Variants in NYAP2 observed in about 807,000 individuals in gnomAD.
NYAP2 encodes the protein neuronal tyrosine-phosphorylated phosphoinositide-3-kinase adaptor 2.
A neutral mutation model predicts 50.4 loss-of-function variants in NYAP2; 23 were observed. The observed-to-expected ratio is 0.46, with a 90% confidence interval of 0.33 to 0.65. The LOEUF is 0.65. Ranked by LOEUF, NYAP2 falls within the 30% of genes least tolerant of loss-of-function variation. The pLI is 0.02. For missense variants in NYAP2, 885 were observed against 861.0 expected (o/e 1.03, Z -0.35); for synonymous variants, 394 against 365.2 (o/e 1.08, Z -0.90).
chr2:225,609,002 C>T (rs1317219575), intron 5 of NYAP2, among the ~76,000 whole-genome samples: 1 of 152,068 alleles, frequency 6.6e-6, no homozygotes, highest in African/African-American at 2.4e-5. Flanking sequence ...TGAAACCTCA[C>T]CTTCTAAACT....
intron 3 of NYAP2, among the ~76,000 whole-genome samples, chr2:225,478,338 G>A (rs1690151840): frequency 6.6e-6 from 1 of 151,924 alleles, no homozygotes; most frequent in African/African-American, 2.4e-5. Context: ...GGAAGAAGAA[G>A]CCAGTCTCTC....
chr2:225,452,584 C>T (rs1459807477), intron 3 of NYAP2, among the ~76,000 whole-genome samples: 1 of 152,158 alleles, frequency 6.6e-6, no homozygotes, highest in Non-Finnish European at 1.5e-5. Flanking sequence ...ATTTCTCACT[C>T]CTTTTTCCTT....
chr2:225,555,929 C>G (rs1260238854), intron 4 of NYAP2, among the ~76,000 whole-genome samples: 5 of 152,184 alleles, frequency 3.3e-5, no homozygotes, highest in Non-Finnish European at 5.9e-5. Context: ...CCCTACAGAT[C>G]CTGACACTAT....
intron 3 of NYAP2, among the ~76,000 whole-genome samples, chr2:225,433,536 A>G (rs979934322): frequency 1.3e-5 from 2 of 152,200 alleles, no homozygotes; most frequent in Non-Finnish European, 2.9e-5. Context: ...AAATATATAT[A>G]GCAAAATATG....
intron 5 of NYAP2, among the ~76,000 whole-genome samples, chr2:225,604,829 A>G (rs1692757999): frequency 6.6e-6 from 1 of 152,132 alleles, no homozygotes; most frequent in Non-Finnish European, 1.5e-5. Flanking sequence ...AATCAGCAAA[A>G]TGTACAGTAC....
intron 3 of NYAP2, among the ~76,000 whole-genome samples, chr2:225,430,967 A>G (rs961040749): frequency 3.3e-5 from 5 of 152,242 alleles, no homozygotes; most frequent in African/African-American, 1.2e-4. Context: ...GGATTGGGCA[A>G]TGAAAATGTA....
chr2:225,543,970 A>G (rs1691522255), intron 4 of NYAP2, among the ~76,000 whole-genome samples: 1 of 152,012 alleles, frequency 6.6e-6, no homozygotes, highest in Non-Finnish European at 1.5e-5. Flanking sequence ...TACAATTGTT[A>G]TATCCTCTTG....
At chr2:225,641,179 C>T (rs1693523238) in intron 6 of NYAP2, among the ~76,000 whole-genome samples, 1 of 152,058 alleles carries the variant, frequency 6.6e-6, no homozygotes, top group Non-Finnish European at 1.5e-5. Context: ...TGCTCCTAGA[C>T]CACAGCTGTT....
At chr2:225,607,803 AG>A (rs1438555550) in intron 5 of NYAP2, among the ~76,000 whole-genome samples, 1 of 152,142 alleles carries the variant, frequency 6.6e-6, no homozygotes, top group Non-Finnish European at 1.5e-5. Context: ...TTGCCATTAC[AG>A]GGGCCTTAGA....
chr2:225,420,644 C>G (rs567602965), intron 3 of NYAP2, among the ~76,000 whole-genome samples: 3 of 150,236 alleles, frequency 2.0e-5, no homozygotes, highest in African/African-American at 7.4e-5. Flanking sequence ...CAGGGTCTCA[C>G]TCTGCCACCC....
At chr2:225,471,534 A>T (rs1018755297) in intron 3 of NYAP2, among the ~76,000 whole-genome samples, 1 of 152,200 alleles carries the variant, frequency 6.6e-6, no homozygotes, top group Admixed American at 6.5e-5. Flanking sequence ...TGGGTCACTA[A>T]ATTAGACATA....
intron 3 of NYAP2, among the ~76,000 whole-genome samples, chr2:225,462,919 T>A (rs921611535): frequency 1.3e-5 from 2 of 152,240 alleles, no homozygotes; most frequent in African/African-American, 4.8e-5. Context: ...TAAATGGTTG[T>A]GATTATCTGG....
chr2:225,592,186 T>A (rs1692519248), intron 5 of NYAP2, among the ~76,000 whole-genome samples: 1 of 152,218 alleles, frequency 6.6e-6, no homozygotes. Flanking sequence ...TGTGCAGGTT[T>A]CTTTGGCCTG....
At chr2:225,638,156 T>TG (rs1693456201) in intron 6 of NYAP2, among the ~76,000 whole-genome samples, 40 of 135,306 alleles carry the variant, frequency 3.0e-4, no homozygotes, top group Non-Finnish European at 4.6e-4. Flanking sequence ...ACTCGTGTGT[T>TG]TGTGTGTGTG....
intron 5 of NYAP2, among the ~76,000 whole-genome samples, chr2:225,614,716 G>T (rs1022160890): frequency 2.0e-5 from 3 of 152,180 alleles, no homozygotes; most frequent in Non-Finnish European, 4.4e-5. Context: ...TTACAGAAGA[G>T]AAAATGAGAA....
In NYAP2 at chr2:225,581,922, A is replaced by T. The variant is rs764166277; in HGVS notation, c.524-19A>T. 6.3e-7 allele frequency: 1 copy of T among 1,580,964 alleles called. No homozygotes were observed. Among genetic ancestry groups the T allele is most frequent in the Non-Finnish European group, 8.6e-7 (1 of 1,160,368 alleles). On this transcript the variant is annotated intron_variant, in intron 4 of 6. Coordinates refer to ENST00000636099, the Ensembl canonical transcript of NYAP2. ...TCCTATTATACTCATCTATTCCACT[A>T]CGTTTTTTCTTCTTTTAGCGTCAGC...
chr2:225,535,719 T>C (rs530013491), intron 4 of NYAP2, among the ~76,000 whole-genome samples: 1 of 152,220 alleles, frequency 6.6e-6, no homozygotes, highest in South Asian at 2.1e-4. Flanking sequence ...AGGAGGCCAG[T>C]CAGGTGGCTA....
intron 3 of NYAP2, among the ~76,000 whole-genome samples, chr2:225,411,992 A>T (rs1221880304): frequency 6.7e-6 from 1 of 149,134 alleles, no homozygotes; most frequent in Non-Finnish European, 1.5e-5. Context: ...ATAATATTAT[A>T]TTATACTATA....
At chr2:225,684,553 G>GT in the NYAP2 span, among the ~76,000 whole-genome samples, 2 of 150,828 alleles carry the variant, frequency 1.3e-5, no homozygotes, top group African/African-American at 4.9e-5. Flanking sequence ...CTTAAATATA[G>GT]TTTTTTTGTT....
Sources: gnomAD v4.1 joint callset for allele counts (sites outside exome capture counted in the v4.1 genomes callset) on GRCh38, gnomAD v4.1.1 for gene constraint, MANE v1.5 for transcripts, NCBI Gene and HGNC (gene_info 2026-07-23, HGNC 2026-07-21) for gene names.